CDC42SE2: variants seen among roughly 807,000 people sequenced by gnomAD.
The protein encoded by CDC42SE2 is CDC42 small effector 2.
In CDC42SE2, 3 loss-of-function variants were observed where a neutral mutation model predicts 11.5. The ratio of observed to expected loss-of-function variants is 0.26; its 90% CI spans 0.12 to 0.67. The LOEUF is 0.67. Ranked by LOEUF, CDC42SE2 falls within the 30% of genes least tolerant of loss-of-function variation. The probability of loss-of-function intolerance (pLI) is 0.80; values close to 1 mark genes in which losing one functional copy is unlikely to be tolerated. For synonymous variants in CDC42SE2, 33 were observed against 34.8 expected, an observed-to-expected ratio of 0.95 and a Z score of 0.18; for missense variants, 82 against 106.8, an observed-to-expected ratio of 0.77 and a Z score of 1.02.
At chr5:131,330,212 A>G (rs73786649) in intron 2 of CDC42SE2, among the ~76,000 whole-genome samples, 2,626 of 152,180 alleles carry the variant, frequency 0.017, 74 homozygotes, top group African/African-American at 0.06. Context: ...TTCCAGCATG[A>G]CGGTTTTAGG....
At chr5:131,368,201 C>G (rs896149994) in intron 3 of CDC42SE2, among the ~76,000 whole-genome samples, 1 of 148,074 alleles carries the variant, frequency 6.8e-6, no homozygotes, top group Non-Finnish European at 1.5e-5. Flanking sequence ...TGCAATGAGC[C>G]GAGATTGCGC....
intron 1 of CDC42SE2, among the ~76,000 whole-genome samples, chr5:131,311,690 A>G (rs1473923265): frequency 6.6e-6 from 1 of 151,950 alleles, no homozygotes; most frequent in Non-Finnish European, 1.5e-5. Flanking sequence ...CATTTCATTC[A>G]TCTCATCTTC....
intron 2 of CDC42SE2, among the ~76,000 whole-genome samples, chr5:131,335,738 C>G (rs1181742796): frequency 3.9e-5 from 6 of 152,152 alleles, no homozygotes; most frequent in African/African-American, 1.2e-4. Flanking sequence ...TTCTTTGTCT[C>G]TTTTGATCTT....
intron 1 of CDC42SE2, among the ~76,000 whole-genome samples, chr5:131,254,696 A>AAG (rs1561562109): frequency 6.6e-6 from 1 of 152,074 alleles, no homozygotes; most frequent in Non-Finnish European, 1.5e-5. Flanking sequence ...TAGAAAGAAA[A>AAG]AAGCTTATGT....
At chr5:131,263,815 C>T (rs930005453), upstream of CDC42SE2, 20 of 152,340 alleles carry the variant, frequency 1.3e-4, no homozygotes, top group African/African-American at 4.8e-4. Context: ...CTCAGGCGTC[C>T]GTTAGCTACA....
intron 2 of CDC42SE2, among the ~76,000 whole-genome samples, chr5:131,327,145 T>G (rs1758316486): frequency 6.6e-6 from 1 of 152,250 alleles, no homozygotes; most frequent in African/African-American, 2.4e-5. Context: ...ATTCCTGCTT[T>G]TCATTGGGTA....
At chr5:131,253,696 C>T (rs541474228) in intron 1 of CDC42SE2, among the ~76,000 whole-genome samples, 8 of 152,142 alleles carry the variant, frequency 5.3e-5, no homozygotes, top group South Asian at 2.1e-4. Flanking sequence ...ACCCAGGAGG[C>T]GGAGGTTGTA....
At chr5:131,350,679 A>G (rs913144979) in intron 2 of CDC42SE2, among the ~76,000 whole-genome samples, 7 of 151,884 alleles carry the variant, frequency 4.6e-5, no homozygotes, top group Non-Finnish European at 7.4e-5. Flanking sequence ...GTATAAATAT[A>G]TAATTCTTAG....
At chr5:131,332,113 C>T (rs945468896) in intron 2 of CDC42SE2, among the ~76,000 whole-genome samples, 1 of 152,078 alleles carries the variant, frequency 6.6e-6, no homozygotes, top group Non-Finnish European at 1.5e-5. Flanking sequence ...GCTATCCCTC[C>T]CCACTCCCCC....
At chr5:131,301,071 CTA>C (rs1402895161) in intron 1 of CDC42SE2, among the ~76,000 whole-genome samples, 1 of 152,100 alleles carries the variant, frequency 6.6e-6, no homozygotes, top group Non-Finnish European at 1.5e-5. Flanking sequence ...GAATTGGAAA[CTA>C]TATTTATTTG....
intron 1 of CDC42SE2, among the ~76,000 whole-genome samples, chr5:131,305,771 A>G (rs1348631705): frequency 2.6e-5 from 4 of 151,806 alleles, no homozygotes; most frequent in South Asian, 2.1e-4. Context: ...GTCCTGTTTT[A>G]TTTTTGCCTT....
chr5:131,323,713 C>T (rs1383774257), intron 2 of CDC42SE2, among the ~76,000 whole-genome samples: 4 of 152,052 alleles, frequency 2.6e-5, no homozygotes, highest in Non-Finnish European at 4.4e-5. Context: ...AGTGTACCAA[C>T]ATCTAAAATA....
chr5:131,241,517 T>C (rs1756540671), upstream of CDC42SE2, among the ~76,000 whole-genome samples: 1 of 152,202 alleles, frequency 6.6e-6, no homozygotes. Context: ...TGACCTTAAC[T>C]TTGTATAAAA....
chr5:131,259,945 T>C (rs527722128), upstream of CDC42SE2, among the ~76,000 whole-genome samples: 1 of 152,386 alleles, frequency 6.6e-6, no homozygotes, highest in East Asian at 1.9e-4. Flanking sequence ...CATTATACTA[T>C]ATTGATGTAG....
intron 1 of CDC42SE2, among the ~76,000 whole-genome samples, chr5:131,305,713 A>G (rs1179253130): frequency 6.6e-6 from 1 of 152,112 alleles, no homozygotes; most frequent in Non-Finnish European, 1.5e-5. Context: ...TGTCTCTTCA[A>G]TCCATTAATT....
chr5:131,227,314 A>G, the CDC42SE2 span, among the ~76,000 whole-genome samples: 1 of 152,114 alleles, frequency 6.6e-6, no homozygotes, highest in Non-Finnish European at 1.5e-5. Flanking sequence ...TAAGGAAGAA[A>G]GACTTTACAT....
chr5:131,305,273 T>G (rs1580742556), intron 1 of CDC42SE2, among the ~76,000 whole-genome samples: 1 of 152,354 alleles, frequency 6.6e-6, no homozygotes, highest in African/African-American at 2.4e-5. Flanking sequence ...TTTTTGTCTC[T>G]ATGTTAAAAG....
At chr5:131,220,376 T>A in the CDC42SE2 span, among the ~76,000 whole-genome samples, 5 of 152,022 alleles carry the variant, frequency 3.3e-5, no homozygotes, top group African/African-American at 1.2e-4. Context: ...CGGCTAATTT[T>A]TTGTGTTTTT....
chr5:131,337,156 T>G (rs534405461), intron 2 of CDC42SE2, among the ~76,000 whole-genome samples: 79 of 152,332 alleles, frequency 5.2e-4, no homozygotes, highest in African/African-American at 1.8e-3. Flanking sequence ...GGTGTGGATG[T>G]CCTTTCTGTT....
Sources: allele counts gnomAD v4.1 joint callset (sites outside exome capture counted in the v4.1 genomes callset), GRCh38; gene constraint gnomAD v4.1.1; transcripts MANE v1.5; gene names NCBI Gene and HGNC (gene_info 2026-07-23, HGNC 2026-07-21).